The following RFTN2 variants were observed in gnomAD, a reference collection of about 807,000 sequenced individuals.
RFTN2 encodes the protein raftlin-2.
RFTN2 carries 34 observed loss-of-function variants against 52.7 expected under a neutral mutation model. That is an observed-to-expected ratio of 0.64 (90% confidence interval 0.49 to 0.86). The LOEUF (loss-of-function observed/expected upper bound fraction) is 0.86. Ranked by LOEUF, RFTN2 falls within the 40% of genes least tolerant of loss-of-function variation. RFTN2 has a pLI of 0.00. For missense variants in RFTN2, 536 were observed against 600.1 expected (o/e 0.89, Z 1.12); for synonymous variants, 203 against 217.7 (o/e 0.93, Z 0.59).
chr2:197,664,328 C>T (rs1290779044), intron 1 of RFTN2, among the ~76,000 whole-genome samples: 4 of 150,804 alleles, frequency 2.7e-5, no homozygotes, highest in African/African-American at 4.9e-5. Context: ...ATTCAAAAAT[C>T]AGCCAGATGT....
intron 8 of RFTN2, among the ~76,000 whole-genome samples, chr2:197,583,420 C>T (rs1040763791): frequency 2.6e-5 from 4 of 152,172 alleles, no homozygotes; most frequent in Non-Finnish European, 5.9e-5. Flanking sequence ...CTCAGTTTGG[C>T]CTTTCCACCT....
At chr2:197,602,434 T>C (rs1357012727) in intron 7 of RFTN2, among the ~76,000 whole-genome samples, 1 of 152,176 alleles carries the variant, frequency 6.6e-6, no homozygotes, top group Non-Finnish European at 1.5e-5. Flanking sequence ...TTCTTCTTGG[T>C]TCAATATGTG....
At chr2:197,611,457 T>C (rs2088060256) in intron 7 of RFTN2, among the ~76,000 whole-genome samples, 1 of 152,228 alleles carries the variant, frequency 6.6e-6, no homozygotes, top group African/African-American at 2.4e-5. Context: ...TCGGTAGTGA[T>C]ATCCCCTTTA....
intron 5 of RFTN2, among the ~76,000 whole-genome samples, chr2:197,630,313 G>A (rs1223392052): frequency 6.6e-6 from 1 of 151,966 alleles, no homozygotes; most frequent in Admixed American, 6.6e-5. Flanking sequence ...AATTATCCTG[G>A]ATTTCCTAAA....
chr2:197,624,699 T>A (rs2106223046), intron 5 of RFTN2, among the ~76,000 whole-genome samples: 1 of 148,494 alleles, frequency 6.7e-6, no homozygotes, highest in African/African-American at 2.5e-5. Flanking sequence ...CAGTAGCTCA[T>A]GCTGTAATCC....
At chr2:197,608,474 G>A (rs1225116983) in intron 7 of RFTN2, among the ~76,000 whole-genome samples, 1 of 151,778 alleles carries the variant, frequency 6.6e-6, no homozygotes, top group Non-Finnish European at 1.5e-5. Context: ...ACCACGCGCA[G>A]CTAATTTTTT....
At chr2:197,625,703 C>A (rs1453874207) in intron 5 of RFTN2, among the ~76,000 whole-genome samples, 1 of 140,482 alleles carries the variant, frequency 7.1e-6, no homozygotes, top group Non-Finnish European at 1.6e-5. Context: ...CCTCTCCTCT[C>A]CTCTCCTCTC....
At chr2:197,664,096 T>C (rs1427258946) in intron 1 of RFTN2, among the ~76,000 whole-genome samples, 2 of 152,174 alleles carry the variant, frequency 1.3e-5, no homozygotes, top group Non-Finnish European at 2.9e-5. Context: ...TTTATTTGTA[T>C]AGTTTACAAA....
intron 8 of RFTN2, among the ~76,000 whole-genome samples, chr2:197,580,671 T>A (rs927852847): frequency 6.6e-6 from 1 of 152,186 alleles, no homozygotes; most frequent in Non-Finnish European, 1.5e-5. Flanking sequence ...ATTAAATCCA[T>A]CCTCTTCTTA....
At chr2:197,648,117 G>A (rs747055544) in intron 1 of RFTN2, among the ~76,000 whole-genome samples, 3 of 152,110 alleles carry the variant, frequency 2.0e-5, no homozygotes, top group East Asian at 3.8e-4. Context: ...AAAGAACTGC[G>A]GCTGATTGCC....
intron 1 of RFTN2, among the ~76,000 whole-genome samples, chr2:197,671,787 G>A (rs2089151350): frequency 6.6e-6 from 1 of 152,140 alleles, no homozygotes; most frequent in Non-Finnish European, 1.5e-5. Flanking sequence ...AGATAAGGAA[G>A]CTACCATCCA....
At chr2:197,614,370 G>A (rs1374095502) in intron 7 of RFTN2, among the ~76,000 whole-genome samples, 1 of 152,104 alleles carries the variant, frequency 6.6e-6, no homozygotes, top group Non-Finnish European at 1.5e-5. Flanking sequence ...GCTGCTGGAC[G>A]GTCAAACTCC....
intron 8 of RFTN2, among the ~76,000 whole-genome samples, chr2:197,573,604 C>T (rs904239191): frequency 1.3e-5 from 2 of 152,190 alleles, no homozygotes; most frequent in Admixed American, 1.3e-4. Context: ...AACCAATTTT[C>T]TGAGAAGAAA....
At chr2:197,646,028 A>G (rs75529926) in intron 2 of RFTN2, among the ~76,000 whole-genome samples, 1 of 148,626 alleles carries the variant, frequency 6.7e-6, no homozygotes, top group Non-Finnish European at 1.5e-5. Flanking sequence ...CTCTGTCTTG[A>G]AAAAAAAAAA....
chr2:197,590,942 C>T lies in RFTN2; in HGVS notation c.1233+5049G>A, dbSNP rs567719825. ...AACAAAACTCCCCAAGTGGGGAAGA[C>T]GAGCCCAGCAGGTTGCCACTGCTGG... On this transcript the variant is annotated intron_variant, in intron 8 of 8. Coordinates refer to ENST00000295049, the MANE Select transcript of RFTN2 (RefSeq NM_144629.3). Among the ~76,000 whole-genome samples, 119 of 152,308 alleles carry T rather than the reference C, an allele frequency of 7.8e-4. 1 individual carries two copies. Among genetic ancestry groups the T allele is most frequent in the African/African-American group, 2.6e-3 (109 of 41,564 alleles).
intron 5 of RFTN2, among the ~76,000 whole-genome samples, chr2:197,624,903 C>T (rs2088329515): frequency 1.3e-5 from 2 of 152,132 alleles, no homozygotes; most frequent in Admixed American, 1.3e-4. Context: ...GAGCTGAGAT[C>T]ACATCACTGT....
At chr2:197,578,836 GC>G (rs2087460455) in intron 8 of RFTN2, among the ~76,000 whole-genome samples, 2 of 152,152 alleles carry the variant, frequency 1.3e-5, no homozygotes, top group African/African-American at 2.4e-5. Flanking sequence ...CTGTCCTCCT[GC>G]TCTTTGCTCC....
chr2:197,585,955 ATC>A (rs2087589804), intron 8 of RFTN2, among the ~76,000 whole-genome samples: 1 of 152,136 alleles, frequency 6.6e-6, no homozygotes, highest in East Asian at 1.9e-4. Flanking sequence ...TCCTTTTTGT[ATC>A]TCTCAGCAAA....
intron 5 of RFTN2, among the ~76,000 whole-genome samples, chr2:197,628,945 C>A (rs932952068): frequency 2.6e-5 from 4 of 152,154 alleles, no homozygotes; most frequent in Non-Finnish European, 5.9e-5. Flanking sequence ...GATTCTAAAG[C>A]CCATGTCCTT....
Sources: allele counts gnomAD v4.1 joint callset (sites outside exome capture counted in the v4.1 genomes callset), GRCh38; gene constraint gnomAD v4.1.1; transcripts MANE v1.5; gene names NCBI Gene and HGNC (gene_info 2026-07-23, HGNC 2026-07-21).